Variants in MROH1 observed in about 807,000 individuals in gnomAD.
MROH1 encodes maestro heat-like repeat-containing protein family member 1.
A neutral mutation model predicts 116.5 loss-of-function variants in MROH1; 117 were observed. The ratio of observed to expected loss-of-function variants is 1.00; its 90% CI spans 0.86 to 1.17. The LOEUF is 1.17. Among genes scored for constraint, MROH1 ranks in the 50% most tolerant of loss-of-function variants. The probability of loss-of-function intolerance (pLI) is 0.00; values close to 1 mark genes in which losing one functional copy is unlikely to be tolerated. For missense variants in MROH1, 1,873 were observed against 1,338.5 expected (o/e 1.40, Z -6.23); for synonymous variants, 921 against 583.9 (o/e 1.58, Z -8.32).
Position 144,221,346 on chromosome 8 carries a change from G to A in MROH1, c.1215+673G>A, listed in dbSNP as rs143044159. ...ATTCTTACCAGGCCAGATGTTTGGG[G>A]CTTAGTGATGACCTCCCAGGACCCC... On this transcript the variant is annotated intron_variant, in intron 13 of 43. Coordinates refer to ENST00000326134, the MANE Select transcript of MROH1 (RefSeq NM_032450.3). Among the ~76,000 whole-genome samples the A allele has an allele frequency of 3.8e-3, 584 of 152,294 alleles. 5 individuals carry two copies. Among genetic ancestry groups the A allele is most frequent in the South Asian group, 0.022 (104 of 4,826 alleles).
intron 13 of MROH1, among the ~76,000 whole-genome samples, chr8:144,221,844 T>A (rs1836818230): frequency 6.6e-6 from 1 of 151,486 alleles, no homozygotes; most frequent in Non-Finnish European, 1.5e-5. Flanking sequence ...CTCCTCGGGG[T>A]GGGGATGCTG....
rs766493304 is a variant in MROH1 at position 144,191,873 on chromosome 8, A to G, written c.855+18A>G. 1.1e-4 allele frequency: 171 copies of G among 1,612,528 alleles called. No individual in the cohort carries two copies. Among genetic ancestry groups the G allele is most frequent in the Non-Finnish European group, 1.4e-4 (160 of 1,179,794 alleles). ...TGTCCAAGGTATCTGCAGGCAGGGC[A>G]GGTCTACTGTCCCCGAGGACCCCTC... On this transcript the variant is annotated intron_variant, in intron 9 of 43. Coordinates refer to ENST00000326134, the MANE Select transcript of MROH1 (RefSeq NM_032450.3).
intron 7 of MROH1, among the ~76,000 whole-genome samples, chr8:144,181,824 C>A (rs546034007): frequency 6.6e-6 from 1 of 152,098 alleles, no homozygotes; most frequent in Non-Finnish European, 1.5e-5. Context: ...CTGTGCTGCA[C>A]GCACATCGCC....
At chr8:144,253,811 G>C (rs1843233348) in intron 33 of MROH1, among the ~76,000 whole-genome samples, 1 of 152,134 alleles carries the variant, frequency 6.6e-6, no homozygotes, top group East Asian at 1.9e-4. Flanking sequence ...GTTTGCTCAG[G>C]TGTGTGACAG....
At chr8:144,207,732 A>G (rs912728663) in intron 12 of MROH1, among the ~76,000 whole-genome samples, 2 of 152,098 alleles carry the variant, frequency 1.3e-5, no homozygotes, top group Non-Finnish European at 1.5e-5. Flanking sequence ...AGTGTTCTTT[A>G]TTGGATACAT....
chr8:144,153,049 A>G (rs1254331039), intron 1 of MROH1, among the ~76,000 whole-genome samples: 2 of 152,016 alleles, frequency 1.3e-5, no homozygotes, highest in Non-Finnish European at 2.9e-5. Context: ...CCCGGTAACC[A>G]CCGTTCTACT....
intron 7 of MROH1, among the ~76,000 whole-genome samples, chr8:144,181,338 G>T (rs745409574): frequency 0.011 from 601 of 52,850 alleles, 4 homozygotes; most frequent in Non-Finnish European, 0.016. Context: ...GGGCCTGGTG[G>T]GGCCCGGGCA....
chr8:144,250,218 G>C lies in MROH1; in HGVS notation c.3280G>C (p.Glu1094Gln), dbSNP rs1290394683. The stretch of plus-strand genomic sequence containing the variant: ...GTGTCCCGCCCATCTACAGGTGCCC[G>C]AGATCGTGAGCGTCCTGCGCTCCAA... ...RGGVLQEKVP[E>Q]IVSVLRSKLQ... Residue 1094 changes from glutamate (E) to glutamine (Q), a missense_variant, in exon 33 of 44, where the codon GAG becomes CAG. Transcript: ENST00000326134. The C allele has an allele frequency of 5.2e-6, 4 of 766,848 alleles. No individual in the cohort carries two copies. Among genetic ancestry groups the C allele is most frequent in the Non-Finnish European group, 9.6e-6 (4 of 416,848 alleles). The allele number at this position is 766,848 out of a possible 1,614,324, so 47.5% of individuals were successfully genotyped here.
At chr8:144,185,086 A>G (rs969423563) in intron 7 of MROH1, among the ~76,000 whole-genome samples, 1 of 152,124 alleles carries the variant, frequency 6.6e-6, no homozygotes, top group African/African-American at 2.4e-5. Flanking sequence ...CGGGGAGGGA[A>G]GTGTCTTGTA....
chr8:144,250,709 C>T (rs1842712914), intron 33 of MROH1: 1 of 421,082 alleles, frequency 2.4e-6, no homozygotes, highest in Non-Finnish European at 4.5e-6. Flanking sequence ...GGCTGCCCCT[C>T]ACCCTGTGTC....
rs1440549682 is a variant in MROH1 at position 144,260,889 on chromosome 8, C to T, written c.4537-18C>T. ...GGGTGGCCTCAACTGGACTTGGCCC[C>T]AGTGCCGCATCCCTTAGGCCTGCAG... On this transcript the variant is annotated intron_variant, in intron 40 of 43. Coordinates refer to ENST00000326134, the MANE Select transcript of MROH1 (RefSeq NM_032450.3). The T allele has an allele frequency of 7.7e-6, 6 of 777,464 alleles. No homozygotes were observed. The highest frequency in any genetic ancestry group is 6.8e-5 in the African/African-American group (4 of 59,096). The allele number at this position is 777,464 out of a possible 1,614,324, so 48.2% of individuals were successfully genotyped here.
intron 12 of MROH1, among the ~76,000 whole-genome samples, chr8:144,211,908 C>G (rs1286479252): frequency 6.6e-6 from 1 of 152,162 alleles, no homozygotes; most frequent in Non-Finnish European, 1.5e-5. Flanking sequence ...ATCGTCTCAT[C>G]TTTGGCAAGC....
rs1436041059 is a variant in MROH1, at chr8:144,241,774, G to C, written c.2178+257G>C. On this transcript the variant is annotated intron_variant, in intron 22 of 43. Transcript: ENST00000326134. ...CAGGTGTGGGTGATGAGAGGGGTTCGCGGCTGGGGCAGGCCTCTGCCCCCT... is the reference window on the plus strand; with the variant it reads ...CAGGTGTGGGTGATGAGAGGGGTTCCCGGCTGGGGCAGGCCTCTGCCCCCT... 4.6e-5 allele frequency among the ~76,000 whole-genome samples: 7 copies of C among 152,358 alleles called. No individual in the cohort carries two copies. The South Asian group carries it at 1.4e-3, about 32-fold the overall frequency.
rs1193368288 is a variant in MROH1, at chr8:144,156,700, C to G, written c.-176-4270C>G. 7.0e-3 allele frequency among the ~76,000 whole-genome samples: 454 copies of G among 64,482 alleles called. 2 individuals carry two copies. The highest frequency in any genetic ancestry group is 0.028 in the African/African-American group (441 of 15,792). The allele number at this position is 64,482 out of a possible 152,430, so 42.3% of individuals were successfully genotyped here. ...CTCCAGCCTGGGTGACAGAGCAAGA[C>G]TCTGTCTCAAAAAAAAAAAAAAAAA... On this transcript the variant is annotated intron_variant, in intron 1 of 43. Coordinates refer to ENST00000326134, the MANE Select transcript of MROH1 (RefSeq NM_032450.3).
At chr8:144,156,243 A>G (rs1818044925) in intron 1 of MROH1, among the ~76,000 whole-genome samples, 1 of 116,646 alleles carries the variant, frequency 8.6e-6, no homozygotes, top group African/African-American at 7.3e-5. Flanking sequence ...GTCTCAAAGA[A>G]AAAAAAAAAA....
chr8:144,153,141 TTTTAC>T (rs1319572167), intron 1 of MROH1, among the ~76,000 whole-genome samples: 116 of 152,288 alleles, frequency 7.6e-4, no homozygotes, highest in African/African-American at 2.7e-3. Context: ...TCCTGGCTTA[TTTTAC>T]TTTACGTAAT....
chr8:144,227,382 T>C (rs1300955071), intron 14 of MROH1, among the ~76,000 whole-genome samples: 1 of 152,200 alleles, frequency 6.6e-6, no homozygotes, highest in South Asian at 2.1e-4. Flanking sequence ...ATGCCTGTAA[T>C]CCCAGCACTT....
At chr8:144,258,445 G>A (rs2129909040) in intron 35 of MROH1, among the ~76,000 whole-genome samples, 1 of 152,204 alleles carries the variant, frequency 6.6e-6, no homozygotes, top group East Asian at 1.9e-4. Context: ...CCTGTGGTGT[G>A]GGTGCCCAGC....
rs1816727600 is a variant in MROH1 at position 144,151,282 on chromosome 8, G to C, written c.-177+3206G>C. On this transcript the variant is annotated intron_variant, in intron 1 of 43. Coordinates refer to ENST00000326134, the MANE Select transcript of MROH1 (RefSeq NM_032450.3). ...AAAAAAAAAAAAAAAAAACCTCCAAGATGCTAGCAAGGCAGGGACACAGGC... is the reference window on the plus strand; with the variant it reads ...AAAAAAAAAAAAAAAAAACCTCCAACATGCTAGCAAGGCAGGGACACAGGC... 4.6e-5 allele frequency among the ~76,000 whole-genome samples: 6 copies of C among 131,012 alleles called. No individual in the cohort carries two copies. The South Asian group carries it at 1.2e-3, about 27-fold the overall frequency. 85.9% of individuals were successfully genotyped at this position (131,012 alleles called of 152,430 possible).
Sources: allele counts gnomAD v4.1 joint callset (sites outside exome capture counted in the v4.1 genomes callset), GRCh38; gene constraint gnomAD v4.1.1; transcripts MANE v1.5; gene names NCBI Gene and HGNC (gene_info 2026-07-23, HGNC 2026-07-21).